RCBTB1: variants seen among roughly 807,000 people sequenced by gnomAD.
RCBTB1 encodes the protein RCC1 and BTB domain-containing protein 1.
RCBTB1 carries 46 observed loss-of-function variants against 62.4 expected under a neutral mutation model. The ratio of observed to expected loss-of-function variants is 0.74; its 90% CI spans 0.58 to 0.94. RCBTB1 has a LOEUF of 0.94. Among genes scored for constraint, RCBTB1 ranks in the 40% least tolerant of loss-of-function variants. The probability of loss-of-function intolerance (pLI) is 0.00; values close to 1 mark genes in which losing one functional copy is unlikely to be tolerated. For synonymous variants in RCBTB1, 222 were observed against 245.8 expected (o/e 0.90, Z 0.91); for missense variants, 565 against 654.9 (o/e 0.86, Z 1.50).
chr13:49,555,386 T>A, intron 6 of RCBTB1, 129 bp downstream of exon 6: 2 of 785,174 alleles, frequency 2.5e-6, no homozygotes, highest in South Asian at 3.4e-5. Context: ...CAGTAATCAG[T>A]TAACTTTCAA....
chr13:49,541,439 A>T (rs908696934), intron 11 of RCBTB1, among the ~76,000 whole-genome samples: 5 of 123,196 alleles, frequency 4.1e-5, no homozygotes, highest in African/African-American at 5.6e-5. Flanking sequence ...AAATAAATTA[A>T]AAAAAAAAAA....
At position 49,533,330 on chromosome 13, in the gene RCBTB1, T is replaced by C. The variant is rs1332628705; in HGVS notation, c.*792A>G. 1 of 152,232 alleles carries C rather than the reference T, an allele frequency of 6.6e-6. No homozygotes were observed. Among genetic ancestry groups the C allele is most frequent in the African/African-American group, 2.4e-5 (1 of 41,478 alleles). 9.4% of individuals were successfully genotyped at this position (152,232 alleles called of 1,614,324 possible). ...AATTTAAACTTGAGTTCTCAAGTTCTACCTTAATGAAATAAAACACCATTG... is the reference window on the plus strand; with the variant it reads ...AATTTAAACTTGAGTTCTCAAGTTCCACCTTAATGAAATAAAACACCATTG... On this transcript the variant is annotated 3_prime_UTR_variant, in exon 13 of 13. Coordinates refer to ENST00000378302, the MANE Select transcript of RCBTB1 (RefSeq NM_018191.4).
At chr13:49,547,698 C>T (rs2139160441) in intron 9 of RCBTB1, among the ~76,000 whole-genome samples, 1 of 152,160 alleles carries the variant, frequency 6.6e-6, no homozygotes, top group Non-Finnish European at 1.5e-5. Flanking sequence ...TGTTTTGATG[C>T]CCTTCTGAAA....
intron 5 of RCBTB1, among the ~76,000 whole-genome samples, chr13:49,558,420 T>C (rs755520846): frequency 6.6e-6 from 1 of 152,072 alleles, no homozygotes; most frequent in Non-Finnish European, 1.5e-5. Context: ...AGGCTTGTCA[T>C]GGTGGCTATG....
At chr13:49,566,229 T>TTTG (rs1962990567) in intron 4 of RCBTB1, among the ~76,000 whole-genome samples, 1 of 150,500 alleles carries the variant, frequency 6.6e-6, no homozygotes, top group Non-Finnish European at 1.5e-5. Flanking sequence ...CAAATCCCCC[T>TTTG]ATGCGAGAAA....
Position 49,560,041 on chromosome 13 carries a change from A to G in RCBTB1, c.321T>C (p.Leu107=), listed in dbSNP as rs774882350. 1.2e-6 allele frequency: 2 copies of G among 1,614,148 alleles called. No individual in the cohort carries two copies. Among genetic ancestry groups the G allele is most frequent in the Non-Finnish European group, 1.7e-6 (2 of 1,180,018 alleles). ...TGCCTTGGTTGGTCGTCCCATTCCC[A>G]AGCTGGCTATATCCATTGTGGCCCC... ...YAWGHNGYSQ[L]GNGTTNQGIA... is the part of the protein sequence containing the mutation. Residue 107 remains leucine (L), a synonymous_variant, in exon 5 of 13, where the codon CTT becomes CTC. Transcript: ENST00000378302.
intron 4 of RCBTB1, among the ~76,000 whole-genome samples, chr13:49,562,191 G>A (rs1962493264): frequency 2.0e-5 from 3 of 151,650 alleles, no homozygotes; most frequent in Non-Finnish European, 4.4e-5. Flanking sequence ...ATAGCAACAA[G>A]TTCTGGAAAG....
chr13:49,559,752 G>A (rs1383977723), intron 5 of RCBTB1, among the ~76,000 whole-genome samples, 166 bp downstream of exon 5: 1 of 151,830 alleles, frequency 6.6e-6, no homozygotes, highest in Non-Finnish European at 1.5e-5. Context: ...TTTGCAGGAT[G>A]AAACAGTTCT....
intron 12 of RCBTB1, among the ~76,000 whole-genome samples, chr13:49,538,501 A>G (rs1286018633): frequency 6.6e-6 from 1 of 152,182 alleles, no homozygotes; most frequent in African/African-American, 2.4e-5. Context: ...ACTTGAGCCC[A>G]GAAGTTCAAG....
chr13:49,567,134 A>G lies in RCBTB1; in HGVS notation c.126+20T>C. ...GCCAAATAAGTCCTAAAACGAAACTAGGTTTCAAGAGACTCTTACCTCATC... is the reference window on the plus strand; with the variant it reads ...GCCAAATAAGTCCTAAAACGAAACTGGGTTTCAAGAGACTCTTACCTCATC... On this transcript the variant is annotated intron_variant, in intron 3 of 12. Transcript: ENST00000378302. 2 of 1,611,888 alleles carry G rather than the reference A, an allele frequency of 1.2e-6. No individual in the cohort carries two copies. Among genetic ancestry groups the G allele is most frequent in the Non-Finnish European group, 1.7e-6 (2 of 1,178,672 alleles).
At chr13:49,582,487 C>CTAAATAAA (rs112388488) in intron 1 of RCBTB1, among the ~76,000 whole-genome samples, 1 of 151,638 alleles carries the variant, frequency 6.6e-6, no homozygotes, top group Non-Finnish European at 1.5e-5. Flanking sequence ...AATTCTGTCT[C>CTAAATAAA]TAAATAAATA....
intron 9 of RCBTB1, among the ~76,000 whole-genome samples, chr13:49,548,500 T>C (rs772972601): frequency 3.6e-4 from 54 of 151,596 alleles, no homozygotes; most frequent in South Asian, 1.0e-3. Context: ...CAAAAACTTA[T>C]ACAAGAACAG....
At chr13:49,543,269 A>T (rs1039875529) in intron 10 of RCBTB1, among the ~76,000 whole-genome samples, 4 of 152,198 alleles carry the variant, frequency 2.6e-5, no homozygotes, top group Admixed American at 1.3e-4. Context: ...GTCTCAAAAA[A>T]AAAAGAAAAA....
chr13:49,554,975 A>C (rs980240041), intron 6 of RCBTB1, among the ~76,000 whole-genome samples: 1 of 152,226 alleles, frequency 6.6e-6, no homozygotes, highest in Non-Finnish European at 1.5e-5. Flanking sequence ...GCATCCAGAG[A>C]CTAATTTCAC....
At chr13:49,542,009 G>A (rs1960404213) in intron 10 of RCBTB1, among the ~76,000 whole-genome samples, 182 bp from the exon 11 acceptor site, 1 of 152,154 alleles carries the variant, frequency 6.6e-6, no homozygotes, top group Admixed American at 6.6e-5. Flanking sequence ...GAGATCAGGA[G>A]TTCGAGACCA....
intron 5 of RCBTB1, among the ~76,000 whole-genome samples, chr13:49,556,447 C>T (rs1283063805): frequency 1.3e-5 from 2 of 152,162 alleles, no homozygotes; most frequent in Admixed American, 6.5e-5. Context: ...ATCTCGGCCT[C>T]CCAAAGTGCT....
At chr13:49,554,265 AG>A (rs1341731633) in intron 6 of RCBTB1, among the ~76,000 whole-genome samples, 2 of 152,210 alleles carry the variant, frequency 1.3e-5, no homozygotes, top group African/African-American at 4.8e-5. Flanking sequence ...GATTGGGAAA[AG>A]GTATTCACTT....
intron 4 of RCBTB1, among the ~76,000 whole-genome samples, chr13:49,561,353 C>T (rs139845222): frequency 6.6e-6 from 1 of 152,314 alleles, no homozygotes; most frequent in Non-Finnish European, 1.5e-5. Flanking sequence ...TTCCAGGTGA[C>T]ATGTGGCTCA....
rs866497865 is a variant in RCBTB1, at chr13:49,532,478, A to C, written c.*1644T>G. The C allele has an allele frequency of 6.6e-6, 1 of 152,634 alleles. No individual in the cohort carries two copies. The highest frequency in any genetic ancestry group is 2.1e-4 in the South Asian group (1 of 4,834). 9.5% of individuals were successfully genotyped at this position (152,634 alleles called of 1,614,324 possible). ...GTGATTGTTACAAACACCACCCATC[A>C]TAGCACAAATCAATGTGCATTTCTG... On this transcript the variant is annotated 3_prime_UTR_variant, in exon 13 of 13. Transcript: ENST00000378302.
Sources: allele counts gnomAD v4.1 joint callset (sites outside exome capture counted in the v4.1 genomes callset), GRCh38; gene constraint gnomAD v4.1.1; transcripts MANE v1.5; gene names NCBI Gene and HGNC (gene_info 2026-07-23, HGNC 2026-07-21).